ITGB4: variants seen among roughly 807,000 people sequenced by gnomAD.
ITGB4 encodes integrin subunit beta 4.
In ITGB4, 159 loss-of-function variants were observed where a neutral mutation model predicts 207.6. The observed-to-expected ratio is 0.77, with a 90% CI of 0.67 to 0.87. The LOEUF (loss-of-function observed/expected upper bound fraction) is 0.87, where lower values mean the gene tolerates loss of function less well. ITGB4 is among the 40% of genes least tolerant of loss of function. ITGB4 has a pLI of 0.00. For missense variants in ITGB4, 2,278 were observed against 2,546.8 expected, an observed-to-expected ratio of 0.89 and a Z score of 2.27; for synonymous variants, 1,020 against 1,062.7, an observed-to-expected ratio of 0.96 and a Z score of 0.78.
At position 75,754,992 on chromosome 17, in the gene ITGB4, G is replaced by A. The variant is rs117920313; in HGVS notation, c.4558+177G>A. ...CACACATGTACACAGACATGCATGC[G>A]CACACGTACACACATGCATGCACAC... On this transcript the variant is annotated intron_variant, in intron 34 of 39. Transcript: ENST00000200181. The A allele has an allele frequency of 0.014, 21,465 of 1,551,260 alleles. 199 individuals carry two copies. Among genetic ancestry groups the A allele is most frequent in the Non-Finnish European group, 0.016 (17,808 of 1,136,948 alleles).
rs1455721404 is a variant in ITGB4 at position 75,727,630 on chromosome 17, G to A, written c.265-21G>A. 2 of 1,593,136 alleles carry A rather than the reference G, an allele frequency of 1.3e-6. No individual in the cohort carries two copies. The highest frequency in any genetic ancestry group is 1.8e-5 in the Admixed American group (1 of 56,828). On this transcript the variant is annotated intron_variant, in intron 4 of 39. Coordinates refer to ENST00000200181, the MANE Select transcript of ITGB4 (RefSeq NM_000213.5). The surrounding 1 kb of genome is among the most constrained non-coding windows in gnomAD (Gnocchi z 6.0). Reference sequence around the variant, plus strand: ...CTCCGGAGTGACCCTCTAGCCAGCTGTCCCCTTCCACTGGCTGCAGGAGAC... The same window carrying A: ...CTCCGGAGTGACCCTCTAGCCAGCTATCCCCTTCCACTGGCTGCAGGAGAC...
rs2061296805 is a variant in ITGB4 at position 75,748,871 on chromosome 17, T to C, written c.3142T>C (p.Phe1048Leu). ...DYIPVEGELL[F>L]QPGEAWKELQ... ...CATCCCCGTGGAGGGTGAGCTGCTG[T>C]TCCAGCCTGGGGAGGCCTGGAAAGA... The change falls in exon 27 of 40, where the codon TTC becomes CTC. Residue 1048 changes from phenylalanine to leucine, a missense_variant. Transcript: ENST00000200181. The C allele has an allele frequency of 6.2e-7, 1 of 1,612,464 alleles. No individual in the cohort carries two copies. The highest frequency in any genetic ancestry group is 1.7e-5 in the Admixed American group (1 of 59,908).
intron 26 of ITGB4, among the ~76,000 whole-genome samples, chr17:75,744,577 G>A (rs1013882856): frequency 3.3e-5 from 5 of 152,090 alleles, no homozygotes; most frequent in Admixed American, 6.5e-5. Flanking sequence ...AGCTGGGATC[G>A]AAGACCCCAT....
In ITGB4 at chr17:75,733,621, G is replaced by T. The variant is rs200038763; in HGVS notation, c.1586G>T (p.Gly529Val). 3 of 1,614,198 alleles carry T rather than the reference G, an allele frequency of 1.9e-6. No homozygotes were observed. The highest frequency in any genetic ancestry group is 2.2e-5 in the East Asian group (1 of 44,894). Reference protein sequence around the residue: ...QCGHCVCYGEGRYEGQFCEYD... With the variant: ...QCGHCVCYGEVRYEGQFCEYD... Reference sequence around the variant, plus strand: ...GGGCACTGTGTGTGCTACGGCGAAGGCCGCTACGAGGGTCAGTTCTGCGAG... The same window carrying T: ...GGGCACTGTGTGTGCTACGGCGAAGTCCGCTACGAGGGTCAGTTCTGCGAG... The change falls in exon 13 of 40, where the codon GGC becomes GTC. Residue 529 changes from glycine to valine, a missense_variant. Physicochemically the swap from Gly to Val is moderately radical, Grantham distance 109 (BLOSUM62 -3). Transcript: ENST00000200181.
Position 75,740,556 on chromosome 17 carries a change from C to A in ITGB4, c.2550+95C>A. ...CGAATGCGGTCGTGGTACCGAGATTCATTAACTAGGGGAGAGGGGTCTCTC... is the reference window on the plus strand; with the variant it reads ...CGAATGCGGTCGTGGTACCGAGATTAATTAACTAGGGGAGAGGGGTCTCTC... On this transcript the variant is annotated intron_variant, in intron 21 of 39. Coordinates refer to ENST00000200181, the MANE Select transcript of ITGB4 (RefSeq NM_000213.5). The surrounding 1 kb of genome is among the most constrained non-coding windows in gnomAD (Gnocchi z 5.9). The A allele has an allele frequency of 9.0e-7, 1 of 1,111,638 alleles. No individual in the cohort carries two copies. Among genetic ancestry groups the A allele is most frequent in the South Asian group, 1.3e-5 (1 of 78,174 alleles). 68.9% of individuals were successfully genotyped at this position (1,111,638 alleles called of 1,614,324 possible). A position where few individuals can be genotyped will look rare whatever the true frequency, so the allele number is the denominator to read the frequency against.
intron 37 of ITGB4, 21 bp from the exon 38 acceptor site, chr17:75,756,922 G>T (rs2061523346): frequency 6.2e-7 from 1 of 1,612,258 alleles, no homozygotes; most frequent in African/African-American, 1.3e-5. Context: ...CGCAGACGCT[G>T]AAGGCATCTT....
intron 26 of ITGB4, among the ~76,000 whole-genome samples, chr17:75,746,877 C>G (rs576177777): frequency 8.2e-4 from 117 of 142,300 alleles, no homozygotes; most frequent in African/African-American, 3.0e-3. Context: ...TGCAGTTAGC[C>G]GAGATAGTGC....
Position 75,732,163 on chromosome 17 carries a change from CAA to C in ITGB4, c.1382_1383del (p.Lys461ArgfsTer38). The C allele has an allele frequency of 1.2e-6, 2 of 1,614,068 alleles. No individual in the cohort carries two copies. Among genetic ancestry groups the C allele is most frequent in the Non-Finnish European group, 1.7e-6 (2 of 1,180,016 alleles). ...IICDVCTCELQKEVRSARCSF... is the reference protein window; with the variant it reads ...IICDVCTCELXKEVRSARCSF... ...CCCACCATGGTCTCTCTCATTCCAG[CAA>C]AAAGAGGTGCGGTCAGCTCGCTGCA... On this transcript the variant is annotated frameshift_variant and splice_region_variant, in exon 12 of 40. Transcript: ENST00000200181. LOFTEE classifies it high-confidence loss of function. The surrounding 1 kb of genome is among the most constrained non-coding windows in gnomAD (Gnocchi z 5.3).
chr17:75,728,380 G>C lies in ITGB4; in HGVS notation c.473G>C (p.Arg158Pro). 1 of 1,613,910 alleles carries C rather than the reference G, an allele frequency of 6.2e-7. No individual in the cohort carries two copies. The highest frequency in any genetic ancestry group is 8.5e-7 in the Non-Finnish European group (1 of 1,179,902). Reference sequence around the variant, plus strand: ...TCTCTGTCCTTTTGACATCCAGCTCGGGTCCTGAGCCAGCTCACCAGCGAC... The same window carrying C: ...TCTCTGTCCTTTTGACATCCAGCTCCGGTCCTGAGCCAGCTCACCAGCGAC... ...NLKKMGQNLA[R>P]VLSQLTSDYT... Residue 158 changes from arginine (R) to proline (P), a missense_variant, in exon 6 of 40, where the codon CGG becomes CCG. Transcript: ENST00000200181.
intron 32 of ITGB4, 23 bp downstream of exon 32, chr17:75,752,600 C>T: frequency 6.2e-7 from 1 of 1,613,006 alleles, no homozygotes; most frequent in South Asian, 1.1e-5. Context: ...CTGGGACCCA[C>T]AAGAGGACAG....
intron 23 of ITGB4, 77 bp downstream of exon 23, chr17:75,741,082 T>C: frequency 2.0e-6 from 3 of 1,515,234 alleles, no homozygotes; most frequent in South Asian, 2.3e-5. Context: ...GCCTCGTCCG[T>C]CCCTACTCCA....
Position 75,737,457 on chromosome 17 carries a change from G to A in ITGB4, c.2113+13G>A. On this transcript the variant is annotated intron_variant, in intron 17 of 39. Transcript: ENST00000200181. ...CACAAGAAGAAGGGTGAGCTGGTGG[G>A]GCCGGGCGCAGGGAGGGGGCGTGTG... The A allele has an allele frequency of 6.4e-7, 1 of 1,553,200 alleles. No homozygotes were observed. Among genetic ancestry groups the A allele is most frequent in the South Asian group, 1.2e-5 (1 of 84,198 alleles).
chr17:75,736,229 G>A, intron 14 of ITGB4, 59 bp from the exon 15 acceptor site: 1 of 1,603,052 alleles, frequency 6.2e-7, no homozygotes, highest in Non-Finnish European at 8.5e-7. Context: ...ATGGAGAGAG[G>A]AGAGGGAGCA....
rs1285724634 is a variant in ITGB4 at position 75,755,692 on chromosome 17, T to G, written c.4559-9T>G. On this transcript the variant is annotated splice_polypyrimidine_tract_variant and intron_variant, in intron 34 of 39. Transcript: ENST00000200181. Reference sequence around the variant, plus strand: ...GCATCTCTGGCTGACTGCGGCCTCCTGTCCCCAGACTCTCGCCTGACTGCT... The same window carrying G: ...GCATCTCTGGCTGACTGCGGCCTCCGGTCCCCAGACTCTCGCCTGACTGCT... 6.2e-7 allele frequency: 1 copy of G among 1,612,676 alleles called. No individual in the cohort carries two copies.
In ITGB4 at chr17:75,727,968, T is replaced by G; in HGVS notation, c.469+113T>G. 1 of 955,090 alleles carries G rather than the reference T, an allele frequency of 1.0e-6. No individual in the cohort carries two copies. The highest frequency in any genetic ancestry group is 1.4e-5 in the South Asian group (1 of 70,624). 59.2% of individuals were successfully genotyped at this position (955,090 alleles called of 1,614,324 possible). A position where few individuals can be genotyped will look rare whatever the true frequency, so the allele number is the denominator to read the frequency against. ...CCCACCCAGAAGGAAACACTGGACA[T>G]TTGAGCCCCCAAAAACCTTCCCTTC... On this transcript the variant is annotated intron_variant, in intron 5 of 39. Transcript: ENST00000200181. This position sits in a 1 kb window ranked among gnomAD's most constrained non-coding sequence, Gnocchi z 6.0.
intron 2 of ITGB4, among the ~76,000 whole-genome samples, chr17:75,725,357 C>T (rs554643645): frequency 1.3e-5 from 2 of 152,270 alleles, no homozygotes; most frequent in Admixed American, 1.3e-4. Context: ...TCTGTCGTCC[C>T]GGTGAAATGC....
intron 7 of ITGB4, 107 bp from the exon 8 acceptor site, chr17:75,730,134 T>A: frequency 6.8e-7 from 1 of 1,480,662 alleles, no homozygotes; most frequent in Non-Finnish European, 9.3e-7. Flanking sequence ...TCCAGTGGCT[T>A]AAGCCCAGCC....
In ITGB4 at chr17:75,727,567, G is replaced by T; in HGVS notation, c.264+62G>T. The T allele has an allele frequency of 6.3e-7, 1 of 1,593,686 alleles. No homozygotes were observed. The highest frequency in any genetic ancestry group is 1.1e-5 in the South Asian group (1 of 89,374). On this transcript the variant is annotated intron_variant, in intron 4 of 39. Coordinates refer to ENST00000200181, the MANE Select transcript of ITGB4 (RefSeq NM_000213.5). The surrounding 1 kb of genome is among the most constrained non-coding windows in gnomAD (Gnocchi z 6.0). The stretch of plus-strand genomic sequence containing the variant: ...GCTCAGCCTGGCTATTTATGGGGGT[G>T]TATAGTGCCCCTTGGCCGGGCTGGG...
Position 75,750,032 on chromosome 17 carries a change from GTGT to G in ITGB4, c.3317-76_3317-74del. Reference sequence around the variant, plus strand: ...GAATGCGCTGGGTAGAGCGCCCTGGGTGTTGAAGTGGGTCTCTGGCGCCCCCTG... The same window carrying G: ...GAATGCGCTGGGTAGAGCGCCCTGGGTGAAGTGGGTCTCTGGCGCCCCCTG... On this transcript the variant is annotated intron_variant, in intron 27 of 39. Transcript: ENST00000200181. The surrounding 1 kb of genome is among the most constrained non-coding windows in gnomAD (Gnocchi z 5.5). The G allele has an allele frequency of 6.4e-7, 1 of 1,570,792 alleles. No homozygotes were observed. Among genetic ancestry groups the G allele is most frequent in the Non-Finnish European group, 8.8e-7 (1 of 1,141,664 alleles).
Sources: allele counts gnomAD v4.1 joint callset (sites outside exome capture counted in the v4.1 genomes callset), GRCh38; gene constraint gnomAD v4.1.1; non-coding constraint Gnocchi (gnomAD v3.1); transcripts MANE v1.5; gene names NCBI Gene and HGNC (gene_info 2026-07-23, HGNC 2026-07-21).